Variants in GALNT14 observed in about 807,000 individuals in gnomAD.
GALNT14 encodes the protein polypeptide N-acetylgalactosaminyltransferase 14.
Under a neutral mutation model 77.5 loss-of-function variants are expected in GALNT14, and 60 were observed. That is an observed-to-expected ratio of 0.77 (90% CI 0.63 to 0.96). GALNT14 has a LOEUF of 0.96. GALNT14 is among the 40% of genes least tolerant of loss of function. GALNT14 has a pLI of 0.00. For synonymous variants in GALNT14, 280 were observed against 281.7 expected (o/e 0.99, Z 0.06); for missense variants, 710 against 731.0 (o/e 0.97, Z 0.33).
intron 1 of GALNT14, among the ~76,000 whole-genome samples, chr2:31,010,415 C>A (rs182177561): frequency 5.3e-5 from 8 of 152,096 alleles, no homozygotes; most frequent in Non-Finnish European, 1.0e-4. Flanking sequence ...CTGGCTAACA[C>A]GGTAAAACCC....
intron 1 of GALNT14, among the ~76,000 whole-genome samples, chr2:31,044,714 T>G (rs1673323981): frequency 6.6e-6 from 1 of 151,752 alleles, no homozygotes; most frequent in African/African-American, 2.4e-5. Flanking sequence ...GTCTAGGAGT[T>G]CAGAACCAGC....
Position 30,910,899 on chromosome 2 carries a change from C to T in GALNT14, c.*2G>A. 1 of 1,613,600 alleles carries T rather than the reference C, an allele frequency of 6.2e-7. No individual in the cohort carries two copies. Among genetic ancestry groups the T allele is most frequent in the South Asian group, 1.1e-5 (1 of 91,024 alleles). On this transcript the variant is annotated 3_prime_UTR_variant, in exon 15 of 15. Coordinates refer to ENST00000349752, the MANE Select transcript of GALNT14 (RefSeq NM_024572.4). ...GGCCCTTGCTGCTTCTGGCAGGGGT[C>T]CTCAAGAGCTCACCATGTCCCAGTG...
At chr2:31,063,947 T>C (rs547980021) in intron 1 of GALNT14, among the ~76,000 whole-genome samples, 1 of 152,176 alleles carries the variant, frequency 6.6e-6, no homozygotes, top group African/African-American at 2.4e-5. Flanking sequence ...TTTGCCTGGA[T>C]GGAAAAGATT....
intron 2 of GALNT14, among the ~76,000 whole-genome samples, chr2:30,991,810 G>A (rs1558473286): frequency 6.6e-6 from 1 of 152,146 alleles, no homozygotes; most frequent in Non-Finnish European, 1.5e-5. Context: ...AATGGAGTCC[G>A]CCAGCCTTCA....
chr2:30,958,409 A>C lies in GALNT14; in HGVS notation c.454T>G (p.Phe152Val). 1 of 1,613,980 alleles carries C rather than the reference A, an allele frequency of 6.2e-7. No individual in the cohort carries two copies. Among genetic ancestry groups the C allele is most frequent in the Non-Finnish European group, 8.5e-7 (1 of 1,179,840 alleles). ...LIREIILVDD[F>V]SNDPDDCKQL... ...CAACATGACTTACGGTCATTGCTGAAGTCATCCACTAATATGATTTCCCGG... is the reference window on the plus strand; with the variant it reads ...CAACATGACTTACGGTCATTGCTGACGTCATCCACTAATATGATTTCCCGG... Residue 152 changes from phenylalanine to valine, a missense_variant, in exon 4 of 15, where the codon TTC becomes GTC. By Grantham distance (50) the Phe-to-Val change is conservative. Transcript: ENST00000349752.
chr2:31,032,812 C>T (rs1413291647), intron 1 of GALNT14, among the ~76,000 whole-genome samples: 1 of 152,156 alleles, frequency 6.6e-6, no homozygotes, highest in Non-Finnish European at 1.5e-5. Context: ...CACACAGATG[C>T]CAGGAAGCTC....
the GALNT14 span, among the ~76,000 whole-genome samples, chr2:30,902,768 G>T: frequency 6.6e-6 from 1 of 152,174 alleles, no homozygotes; most frequent in Non-Finnish European, 1.5e-5. Flanking sequence ...ATAAAGAAGA[G>T]ATAAGTTTCT....
chr2:30,921,040 A>G (rs1665000211), intron 13 of GALNT14, among the ~76,000 whole-genome samples: 1 of 152,192 alleles, frequency 6.6e-6, no homozygotes, highest in Non-Finnish European at 1.5e-5. Context: ...GATGAGTGTG[A>G]GTTGCCCCCA....
intron 6 of GALNT14, among the ~76,000 whole-genome samples, chr2:30,955,397 C>A (rs1667300682): frequency 6.6e-6 from 1 of 152,144 alleles, no homozygotes; most frequent in Non-Finnish European, 1.5e-5. Context: ...GGTGACAGTC[C>A]CAGTCACAAC....
At chr2:30,909,369 A>G (rs1204674164), downstream of GALNT14, among the ~76,000 whole-genome samples, 3 of 151,992 alleles carry the variant, frequency 2.0e-5, no homozygotes, top group Non-Finnish European at 4.4e-5. Context: ...ACAAGAAAAA[A>G]ACAAACAACC....
At chr2:30,942,445 T>C in intron 8 of GALNT14, 141 bp from the exon 9 acceptor site, 1 of 626,696 alleles carries the variant, frequency 1.6e-6, no homozygotes. Context: ...TCTCATTTTC[T>C]TCCCATTTCT....
chr2:30,928,011 T>C (rs1211321122), intron 11 of GALNT14, among the ~76,000 whole-genome samples: 2 of 152,034 alleles, frequency 1.3e-5, no homozygotes, highest in Non-Finnish European at 2.9e-5. Flanking sequence ...ACAAGACCTT[T>C]TGAGCTCAGT....
At chr2:31,129,991 G>A (rs913761888) in intron 1 of GALNT14, among the ~76,000 whole-genome samples, 1 of 152,190 alleles carries the variant, frequency 6.6e-6, no homozygotes. Context: ...AGCCGGGGTG[G>A]TTGTTCTCTT....
downstream of GALNT14, among the ~76,000 whole-genome samples, chr2:30,906,128 C>G (rs1176976580): frequency 2.3e-4 from 34 of 149,632 alleles, no homozygotes; most frequent in African/African-American, 8.4e-4. Flanking sequence ...TAAAGACCAT[C>G]GAGACTAGGA....
chr2:30,905,171 AAC>A, the GALNT14 span, among the ~76,000 whole-genome samples: 4 of 152,148 alleles, frequency 2.6e-5, no homozygotes, highest in Non-Finnish European at 5.9e-5. Context: ...CCTCCAAAGG[AAC>A]GCAGTTCCTC....
chr2:30,962,391 G>T (rs1667746356), intron 3 of GALNT14, among the ~76,000 whole-genome samples: 1 of 152,118 alleles, frequency 6.6e-6, no homozygotes, highest in Non-Finnish European at 1.5e-5. Flanking sequence ...CCCTAGATCT[G>T]GGATATTATA....
At chr2:31,137,006 G>C (rs111830266) in intron 1 of GALNT14, among the ~76,000 whole-genome samples, 2,857 of 152,208 alleles carry the variant, frequency 0.019, 34 homozygotes, top group South Asian at 0.05. Context: ...GACTGTTCTG[G>C]ACCCAGTTTA....
chr2:30,904,948 C>A, the GALNT14 span, among the ~76,000 whole-genome samples: 3 of 152,028 alleles, frequency 2.0e-5, no homozygotes, highest in African/African-American at 7.2e-5. Context: ...CCAGCAGGGG[C>A]ACACTGACAC....
chr2:31,115,972 GACTGCACC>G (rs1337180123), intron 1 of GALNT14, among the ~76,000 whole-genome samples: 2 of 152,174 alleles, frequency 1.3e-5, no homozygotes, highest in Non-Finnish European at 1.5e-5. Context: ...AGTGAGCTAT[GACTGCACC>G]ACTGCACTCT....
Sources: allele counts gnomAD v4.1 joint callset (sites outside exome capture counted in the v4.1 genomes callset), GRCh38; gene constraint gnomAD v4.1.1; transcripts MANE v1.5; gene names NCBI Gene and HGNC (gene_info 2026-07-23, HGNC 2026-07-21).